FSIP1: variants seen among roughly 807,000 people sequenced by gnomAD.
FSIP1 encodes the protein fibrous sheath interacting protein 1.
FSIP1 carries 65 observed loss-of-function variants against 60.9 expected under a neutral mutation model. The observed-to-expected ratio is 1.07, with a 90% CI of 0.87 to 1.31. The LOEUF is 1.31. Among genes scored for constraint, FSIP1 ranks in the 40% most tolerant of loss-of-function variants. The pLI is 0.00. For synonymous variants in FSIP1, 209 were observed against 221.2 expected (o/e 0.94, Z 0.49); for missense variants, 675 against 665.5 (o/e 1.01, Z -0.16).
At chr15:39,681,184 T>C (rs1423119241) in intron 10 of FSIP1, among the ~76,000 whole-genome samples, 1 of 152,208 alleles carries the variant, frequency 6.6e-6, no homozygotes, top group African/African-American at 2.4e-5. Context: ...ACAGCCAAGA[T>C]TCACAGGGGA....
At chr15:39,643,580 A>G (rs960021014) in intron 10 of FSIP1, among the ~76,000 whole-genome samples, 1 of 152,244 alleles carries the variant, frequency 6.6e-6, no homozygotes, top group Non-Finnish European at 1.5e-5. Flanking sequence ...TAAGCCTGCC[A>G]ACTACCCATT....
chr15:39,780,863 C>T (rs1375203790), intron 1 of FSIP1, among the ~76,000 whole-genome samples: 1 of 152,214 alleles, frequency 6.6e-6, no homozygotes, highest in African/African-American at 2.4e-5. Context: ...GCTGGGATTA[C>T]AGGGGTGAGC....
At chr15:39,747,621 C>A (rs1485749500) in intron 5 of FSIP1, among the ~76,000 whole-genome samples, 1 of 152,134 alleles carries the variant, frequency 6.6e-6, no homozygotes, top group African/African-American at 2.4e-5. Flanking sequence ...GTTGTCTTCA[C>A]AAAACAATAA....
chr15:39,721,650 A>G (rs7171057), intron 9 of FSIP1, among the ~76,000 whole-genome samples: 18,104 of 152,250 alleles, frequency 0.12, 1,319 homozygotes, highest in African/African-American at 0.2. Flanking sequence ...GCAAAGGCTG[A>G]ACAAGTAACA....
intron 10 of FSIP1, among the ~76,000 whole-genome samples, chr15:39,652,504 C>T (rs1475519107): frequency 1.3e-5 from 2 of 152,176 alleles, no homozygotes; most frequent in Non-Finnish European, 2.9e-5. Flanking sequence ...AGATTTTGCA[C>T]ATTTCGGGTG....
At chr15:39,612,384 T>A (rs1341570411) in intron 11 of FSIP1, among the ~76,000 whole-genome samples, 1 of 151,928 alleles carries the variant, frequency 6.6e-6, no homozygotes, top group Non-Finnish European at 1.5e-5. Flanking sequence ...TTAAACAACA[T>A]GCTCCTAAAC....
chr15:39,713,138 A>G (rs920134045), intron 10 of FSIP1, among the ~76,000 whole-genome samples: 2 of 152,238 alleles, frequency 1.3e-5, no homozygotes, highest in African/African-American at 4.8e-5. Context: ...AGTCCTACGA[A>G]TTATATTTTT....
intron 1 of FSIP1, 78 bp downstream of exon 1, chr15:39,782,550 C>G (rs1595415179): frequency 6.6e-6 from 1 of 152,240 alleles, no homozygotes; most frequent in South Asian, 2.1e-4. Flanking sequence ...CCAAGCGGCC[C>G]GACGCAGCTC....
chr15:39,645,846 G>A (rs1436491831), intron 10 of FSIP1, among the ~76,000 whole-genome samples: 1 of 152,218 alleles, frequency 6.6e-6, no homozygotes, highest in Non-Finnish European at 1.5e-5. Flanking sequence ...CGAGCCCCAG[G>A]GCCATGAACG....
intron 10 of FSIP1, among the ~76,000 whole-genome samples, chr15:39,622,956 T>C (rs1034526399): frequency 1.3e-5 from 2 of 152,122 alleles, no homozygotes; most frequent in African/African-American, 2.4e-5. Flanking sequence ...GTACGTTTTA[T>C]GCAAATGTAC....
chr15:39,643,266 T>C (rs1198245885), intron 10 of FSIP1, among the ~76,000 whole-genome samples: 1 of 152,244 alleles, frequency 6.6e-6, no homozygotes, highest in African/African-American at 2.4e-5. Context: ...ATTTAAAAGA[T>C]GAGTAGACAA....
chr15:39,668,201 T>G (rs1442426420), intron 10 of FSIP1, among the ~76,000 whole-genome samples: 5 of 67,866 alleles, frequency 7.4e-5, no homozygotes, highest in African/African-American at 2.5e-4. Flanking sequence ...TCATTAAATT[T>G]CCAAAAAAAA....
In FSIP1 at chr15:39,713,553, A is replaced by C. The variant is rs776034235; in HGVS notation, c.1079T>G (p.Met360Arg). 10 of 1,602,158 alleles carry C rather than the reference A, an allele frequency of 6.2e-6. No individual in the cohort carries two copies. The highest frequency in any genetic ancestry group is 8.5e-6 in the Non-Finnish European group (10 of 1,175,680). The change falls in exon 10 of 12, where the codon ATG (methionine) becomes AGG (arginine). Residue 360 changes from methionine to arginine, a missense_variant. Physicochemically the swap from Met to Arg is moderately conservative, Grantham distance 91 (BLOSUM62 -1). Transcript: ENST00000350221. ...QKPDRDGERN[M>R]EVTPGEKILR... ...TATCTTTTCTCCTGGAGTTACTTCCATATTTCTTTCACCATCACGGTCAGG... is the reference window on the plus strand; with the variant it reads ...TATCTTTTCTCCTGGAGTTACTTCCCTATTTCTTTCACCATCACGGTCAGG...
At chr15:39,628,325 G>A (rs923495963) in intron 10 of FSIP1, among the ~76,000 whole-genome samples, 2 of 152,196 alleles carry the variant, frequency 1.3e-5, no homozygotes, top group Non-Finnish European at 1.5e-5. Flanking sequence ...GAGATAAACA[G>A]AAAGAATGAC....
rs576541590 is a variant in FSIP1, at chr15:39,670,429, C to A, written c.1188+43015G>T. Reference sequence around the variant, plus strand: ...ACATATTAAAAATAAATGAAAAGAACCATATATTAGATGCAAACAAAAGAT... The same window carrying A: ...ACATATTAAAAATAAATGAAAAGAAACATATATTAGATGCAAACAAAAGAT... On this transcript the variant is annotated intron_variant, in intron 10 of 11. Transcript: ENST00000350221. Among the ~76,000 whole-genome samples, 13 of 152,264 alleles carry A rather than the reference C, an allele frequency of 8.5e-5. No individual in the cohort carries two copies. The East Asian group carries it at 2.5e-3, about 29-fold the overall frequency.
Position 39,617,716 on chromosome 15 carries a change from C to T in FSIP1, c.1699+19G>A. The T allele has an allele frequency of 6.3e-7, 1 of 1,591,844 alleles. No homozygotes were observed. Among genetic ancestry groups the T allele is most frequent in the Non-Finnish European group, 8.6e-7 (1 of 1,169,146 alleles). On this transcript the variant is annotated intron_variant, in intron 11 of 11. Coordinates refer to ENST00000350221, the MANE Select transcript of FSIP1 (RefSeq NM_152597.5). ...CTTTTAAGAATTATTTACCAAAACACATGTTCGCCAAGCCTCACCTGCTAT... is the reference window on the plus strand; with the variant it reads ...CTTTTAAGAATTATTTACCAAAACATATGTTCGCCAAGCCTCACCTGCTAT...
intron 10 of FSIP1, among the ~76,000 whole-genome samples, chr15:39,700,062 C>A (rs1894993994): frequency 6.6e-6 from 1 of 152,148 alleles, no homozygotes; most frequent in African/African-American, 2.4e-5. Context: ...ATTCAAGTTT[C>A]TAAAATGTCA....
chr15:39,739,833 C>T, intron 6 of FSIP1, 44 bp from the exon 7 acceptor site: 3 of 1,255,398 alleles, frequency 2.4e-6, no homozygotes, highest in South Asian at 3.0e-5. Flanking sequence ...TTAAAAGTGT[C>T]AATTATGCTA....
intron 2 of FSIP1, among the ~76,000 whole-genome samples, chr15:39,772,798 C>T (rs1177984737): frequency 2.0e-5 from 3 of 151,976 alleles, no homozygotes; most frequent in Admixed American, 6.6e-5. Flanking sequence ...ACCATGTTGG[C>T]CAGGCTGGTC....
Sources: allele counts gnomAD v4.1 joint callset (sites outside exome capture counted in the v4.1 genomes callset), GRCh38; gene constraint gnomAD v4.1.1; transcripts MANE v1.5; gene names NCBI Gene and HGNC (gene_info 2026-07-23, HGNC 2026-07-21).